BLOC1S3: variants seen among roughly 807,000 people sequenced by gnomAD.
BLOC1S3 encodes the protein biogenesis of lysosome-related organelles complex 1 subunit 3.
Under a neutral mutation model 9.1 loss-of-function variants are expected in BLOC1S3, and 7 were observed. That is an observed-to-expected ratio of 0.77 (90% CI 0.44 to 1.45). BLOC1S3 has a LOEUF of 1.45. Among genes scored for constraint, BLOC1S3 ranks in the 40% most tolerant of loss-of-function variants. The probability of loss-of-function intolerance (pLI) is 0.01; values close to 1 mark genes in which losing one functional copy is unlikely to be tolerated. For missense variants in BLOC1S3, 307 were observed against 315.2 expected, an observed-to-expected ratio of 0.97 and a Z score of 0.20; for synonymous variants, 145 against 158.4, an observed-to-expected ratio of 0.92 and a Z score of 0.64.
intron 3 of BLOC1S3, among the ~76,000 whole-genome samples, chr19:45,211,440 G>A (rs1969769689): frequency 6.6e-6 from 1 of 151,768 alleles, no homozygotes; most frequent in Admixed American, 6.6e-5. Context: ...GAACCTGGGA[G>A]GTGGAGGTTG....
In BLOC1S3 at chr19:45,180,669, A is replaced by G. The variant is rs886069784; in HGVS notation, c.*764A>G. On this transcript the variant is annotated 3_prime_UTR_variant, in exon 2 of 2. Coordinates refer to ENST00000433642, the MANE Select transcript of BLOC1S3 (RefSeq NM_212550.5). ...GCTTCCCTGCCGTCTTCCTTCACTCAGTTGGCTACGCCTCCCATCCTAGCT... is the reference window on the plus strand; with the variant it reads ...GCTTCCCTGCCGTCTTCCTTCACTCGGTTGGCTACGCCTCCCATCCTAGCT... 6.0e-6 allele frequency: 1 copy of G among 167,104 alleles called. No homozygotes were observed. 10.4% of individuals were successfully genotyped at this position (167,104 alleles called of 1,614,324 possible).
intron 3 of BLOC1S3, chr19:45,213,333 G>A (rs923325123): frequency 3.7e-6 from 6 of 1,613,580 alleles, no homozygotes; most frequent in African/African-American, 2.7e-5. Context: ...CACGGATGTC[G>A]AGGAGGGCTG....
Position 45,181,246 on chromosome 19 carries a change from TC to T in BLOC1S3, c.*1345del, listed in dbSNP as rs935357148. On this transcript the variant is annotated 3_prime_UTR_variant, in exon 2 of 2. Coordinates refer to ENST00000433642, the MANE Select transcript of BLOC1S3 (RefSeq NM_212550.5). ...CTCCCTGATCCTGGGGTCTGGGGACTCCCCATGGTTTCCTTCCTTCTGCAGG... is the reference window on the plus strand; with the variant it reads ...CTCCCTGATCCTGGGGTCTGGGGACTCCCATGGTTTCCTTCCTTCTGCAGG... 6.0e-6 allele frequency: 1 copy of T among 167,206 alleles called. No individual in the cohort carries two copies. Among genetic ancestry groups the T allele is most frequent in the Non-Finnish European group, 1.5e-5 (1 of 68,216 alleles). The allele number at this position is 167,206 out of a possible 1,614,324, so 10.4% of individuals were successfully genotyped here. A position where few individuals can be genotyped will look rare whatever the true frequency, so the allele number is the denominator to read the frequency against.
intron 3 of BLOC1S3, among the ~76,000 whole-genome samples, chr19:45,207,003 A>G (rs1305784246): frequency 1.3e-5 from 2 of 151,668 alleles, no homozygotes; most frequent in African/African-American, 4.8e-5. Context: ...CACCATGCCC[A>G]GCTAATTTGT....
chr19:45,210,046 A>AAAAACAAAACAAAACAAAAC (rs61681909), intron 3 of BLOC1S3, among the ~76,000 whole-genome samples: 455 of 152,044 alleles, frequency 3.0e-3, no homozygotes, highest in Middle Eastern at 0.01. Flanking sequence ...ACTCTGTCTC[A>AAAAACAAAACAAAACAAAAC]AAAACAAAAC....
At chr19:45,185,437 C>T (rs1442174878), downstream of BLOC1S3, among the ~76,000 whole-genome samples, 1 of 152,164 alleles carries the variant, frequency 6.6e-6, no homozygotes, top group Non-Finnish European at 1.5e-5. Flanking sequence ...AGGTGATGGG[C>T]ACTCGGTCCC....
At chr19:45,192,503 T>C (rs584988) in intron 2 of BLOC1S3, among the ~76,000 whole-genome samples, 6,510 of 152,222 alleles carry the variant, frequency 0.043, 173 homozygotes, top group South Asian at 0.085. Flanking sequence ...CCTCTCCCCG[T>C]AGTCACCACG....
At chr19:45,205,969 G>A (rs774055287) in intron 3 of BLOC1S3, among the ~76,000 whole-genome samples, 1 of 152,118 alleles carries the variant, frequency 6.6e-6, no homozygotes, top group Non-Finnish European at 1.5e-5. Flanking sequence ...AGTGGTTATC[G>A]TGGAGAAAAG....
At position 45,179,281 on chromosome 19, in the gene BLOC1S3, C is replaced by A; in HGVS notation, c.-9-7C>A. 6.4e-7 allele frequency: 1 copy of A among 1,571,792 alleles called. No homozygotes were observed. Among genetic ancestry groups the A allele is most frequent in the South Asian group, 1.1e-5 (1 of 87,270 alleles). The stretch of plus-strand genomic sequence containing the variant: ...TCACGTGCAGTCCCTTCGCTCTTCT[C>A]CCCTAGTTCGGTGCCATGGCGTCCC... On this transcript the variant is annotated splice_polypyrimidine_tract_variant and splice_region_variant and intron_variant, in intron 1 of 1. Transcript: ENST00000433642. The surrounding 1 kb of genome is among the most constrained non-coding windows in gnomAD (Gnocchi z 4.6).
intron 2 of BLOC1S3, among the ~76,000 whole-genome samples, chr19:45,201,396 C>A (rs1372665042): frequency 2.0e-5 from 3 of 152,152 alleles, no homozygotes; most frequent in Non-Finnish European, 4.4e-5. Context: ...GTGGCCACCA[C>A]CACTGGGACT....
In BLOC1S3 at chr19:45,179,272, C is replaced by G. The variant is rs1451011494; in HGVS notation, c.-9-16C>G. 1.3e-6 allele frequency: 2 copies of G among 1,554,144 alleles called. No individual in the cohort carries two copies. Among genetic ancestry groups the G allele is most frequent in the Admixed American group, 3.7e-5 (2 of 53,914 alleles). On this transcript the variant is annotated splice_polypyrimidine_tract_variant and intron_variant, in intron 1 of 1. Coordinates refer to ENST00000433642, the MANE Select transcript of BLOC1S3 (RefSeq NM_212550.5). The surrounding 1 kb of genome is among the most constrained non-coding windows in gnomAD (Gnocchi z 4.6). ...GCGCCGGTCTCACGTGCAGTCCCTT[C>G]GCTCTTCTCCCCTAGTTCGGTGCCA...
chr19:45,182,306 C>T (rs1969530886), downstream of BLOC1S3, among the ~76,000 whole-genome samples: 1 of 152,066 alleles, frequency 6.6e-6, no homozygotes, highest in African/African-American at 2.4e-5. Context: ...ACCCTGGAGG[C>T]AGAGGTTGAA....
At chr19:45,206,353 CA>C (rs529931068) in intron 3 of BLOC1S3, among the ~76,000 whole-genome samples, 5,190 of 83,678 alleles carry the variant, frequency 0.062, 122 homozygotes, top group African/African-American at 0.11. Context: ...GTGAAACTCT[CA>C]AAAAAAAAAA....
At chr19:45,184,321 A>G (rs1004543107), downstream of BLOC1S3, among the ~76,000 whole-genome samples, 2 of 152,080 alleles carry the variant, frequency 1.3e-5, no homozygotes, top group African/African-American at 4.8e-5. Flanking sequence ...GAAATGGGGA[A>G]GTGGCAGTGC....
chr19:45,209,780 A>G (rs1969754658), intron 3 of BLOC1S3, among the ~76,000 whole-genome samples: 1 of 151,238 alleles, frequency 6.6e-6, no homozygotes, highest in South Asian at 2.1e-4. Context: ...GTGCAGTGGC[A>G]CCATCTTGGC....
Position 45,178,786 on chromosome 19 carries a change from T to G in BLOC1S3, c.-55T>G, listed in dbSNP as rs1417667850. On this transcript the variant is annotated 5_prime_UTR_variant, in exon 1 of 2. Coordinates refer to ENST00000433642, the MANE Select transcript of BLOC1S3 (RefSeq NM_212550.5). ...AGCTGCCACGGTGAGAACGCAGCACTCGGGTTAGGAAGCGGATCTCGCAAG... is the reference window on the plus strand; with the variant it reads ...AGCTGCCACGGTGAGAACGCAGCACGCGGGTTAGGAAGCGGATCTCGCAAG... 6.4e-6 allele frequency: 1 copy of G among 157,398 alleles called. No homozygotes were observed. Among genetic ancestry groups the G allele is most frequent in the Non-Finnish European group, 1.4e-5 (1 of 71,418 alleles). 9.8% of individuals were successfully genotyped at this position (157,398 alleles called of 1,614,324 possible). A position where few individuals can be genotyped will look rare whatever the true frequency, so the allele number is the denominator to read the frequency against.
chr19:45,184,327 A>C (rs1202457815), downstream of BLOC1S3, among the ~76,000 whole-genome samples: 1 of 152,102 alleles, frequency 6.6e-6, no homozygotes, highest in Non-Finnish European at 1.5e-5. Context: ...GGGAAGTGGC[A>C]GTGCATGGTG....
chr19:45,202,963 T>C (rs905465258), intron 3 of BLOC1S3, among the ~76,000 whole-genome samples: 7 of 152,028 alleles, frequency 4.6e-5, no homozygotes, highest in Admixed American at 2.6e-4. Context: ...GGGCCTGGAA[T>C]GGGGGCCTCA....
intron 3 of BLOC1S3, among the ~76,000 whole-genome samples, chr19:45,214,846 A>G (rs1171044317): frequency 6.6e-6 from 1 of 152,026 alleles, no homozygotes; most frequent in African/African-American, 2.4e-5. Context: ...TGATATTTCA[A>G]TAGCTTTAAT....
Sources: gnomAD v4.1 joint callset for allele counts (sites outside exome capture counted in the v4.1 genomes callset) on GRCh38, gnomAD v4.1.1 for gene constraint, Gnocchi (gnomAD v3.1) non-coding constraint, MANE v1.5 for transcripts, NCBI Gene and HGNC (gene_info 2026-07-23, HGNC 2026-07-21) for gene names.